EPB41L2: variants seen among roughly 807,000 people sequenced by gnomAD.
The protein encoded by EPB41L2 is band 4.1-like protein 2.
In EPB41L2, 43 loss-of-function variants were observed where a neutral mutation model predicts 113.0. That is an observed-to-expected ratio of 0.38 (90% CI 0.30 to 0.49). EPB41L2 has a LOEUF of 0.49. EPB41L2 is among the 20% of genes least tolerant of loss of function. The probability of loss-of-function intolerance (pLI) is 0.95; values close to 1 mark genes in which losing one functional copy is unlikely to be tolerated. For synonymous variants in EPB41L2, 442 were observed against 436.7 expected (o/e 1.01, Z -0.15); for missense variants, 1,147 against 1,223.4 (o/e 0.94, Z 0.93).
At chr6:131,061,015 G>A (rs1195803732) in intron 1 of EPB41L2, among the ~76,000 whole-genome samples, 4 of 152,118 alleles carry the variant, frequency 2.6e-5, no homozygotes, top group South Asian at 2.1e-4. Context: ...ACCATGCAAC[G>A]TAGATATATG....
chr6:130,878,159 C>T lies in EPB41L2; in HGVS notation c.1988G>A (p.Arg663His), dbSNP rs201590756. The change falls in exon 14 of 20, where the codon CGC (arginine) becomes CAC (histidine). Residue 663 changes from arginine (R) to histidine (H), a missense_variant. Physicochemically the swap from Arg to His is conservative, Grantham distance 29. Coordinates refer to ENST00000337057, the MANE Select transcript of EPB41L2 (RefSeq NM_001431.4). The part of the protein sequence containing the change: ...RNFMESTPEP[R>H]PNEWEKRRIT... ...ACGTCGTTTTTCCCATTCATTAGGG[C>T]GCGGCTCAGGTGTGGATTCCATAAA... The T allele has an allele frequency of 3.3e-5, 54 of 1,613,260 alleles. No individual in the cohort carries two copies. The highest frequency in any genetic ancestry group is 1.6e-4 in the Middle Eastern group (1 of 6,082).
At chr6:130,935,955 A>C (rs995793204) in intron 3 of EPB41L2, among the ~76,000 whole-genome samples, 2 of 152,234 alleles carry the variant, frequency 1.3e-5, no homozygotes, top group Non-Finnish European at 2.9e-5. Context: ...AAAAGCCCCC[A>C]GAGCAATGGA....
At chr6:130,901,517 A>ATCCT (rs1796301745) in intron 6 of EPB41L2, among the ~76,000 whole-genome samples, 1 of 151,642 alleles carries the variant, frequency 6.6e-6, no homozygotes, top group Admixed American at 6.6e-5. Context: ...CCCTCAAAAG[A>ATCCT]TGTAAGGATT....
intron 18 of EPB41L2, 116 bp from the exon 19 acceptor site, chr6:130,858,359 C>A: frequency 2.9e-6 from 2 of 696,182 alleles, no homozygotes; most frequent in Non-Finnish European, 4.8e-6. Context: ...GAGGCACTCA[C>A]TTCTGTATTT....
chr6:130,847,915 T>C (rs1777523689), intron 19 of EPB41L2, among the ~76,000 whole-genome samples: 1 of 152,210 alleles, frequency 6.6e-6, no homozygotes, highest in South Asian at 2.1e-4. Flanking sequence ...CTATTAGAGC[T>C]GAGCTTTTGT....
At chr6:130,910,749 T>G (rs373211491) in intron 4 of EPB41L2, among the ~76,000 whole-genome samples, 2 of 152,228 alleles carry the variant, frequency 1.3e-5, no homozygotes, top group African/African-American at 4.8e-5. Flanking sequence ...AAGACATTTA[T>G]GTGGCCAACA....
intron 1 of EPB41L2, among the ~76,000 whole-genome samples, chr6:130,979,179 C>T (rs1778812986): frequency 6.6e-6 from 1 of 152,090 alleles, no homozygotes; most frequent in African/African-American, 2.4e-5. Flanking sequence ...ATGAGACCAA[C>T]TGACACAATG....
At chr6:130,962,308 G>A (rs932783577) in intron 1 of EPB41L2, among the ~76,000 whole-genome samples, 2 of 151,946 alleles carry the variant, frequency 1.3e-5, no homozygotes, top group East Asian at 1.9e-4. Context: ...GGTGGGAAGG[G>A]GAACAAGGAA....
At chr6:131,032,731 C>T (rs1792445334) in intron 1 of EPB41L2, among the ~76,000 whole-genome samples, 1 of 152,070 alleles carries the variant, frequency 6.6e-6, no homozygotes, top group African/African-American at 2.4e-5. Context: ...CCAGTCCTGC[C>T]AAAATAATAA....
intron 4 of EPB41L2, among the ~76,000 whole-genome samples, chr6:130,922,261 T>C (rs1021440107): frequency 2.0e-4 from 30 of 152,182 alleles, no homozygotes; most frequent in African/African-American, 6.8e-4. Context: ...GACAATATAA[T>C]AGAAATGACA....
intron 1 of EPB41L2, among the ~76,000 whole-genome samples, chr6:131,033,128 C>T (rs543317931): frequency 6.6e-5 from 10 of 152,222 alleles, no homozygotes. Context: ...TCTGCCTCGG[C>T]CTCCCAAAGT....
At chr6:131,061,294 A>G (rs1798605788) in intron 1 of EPB41L2, among the ~76,000 whole-genome samples, 1 of 152,252 alleles carries the variant, frequency 6.6e-6, no homozygotes, top group Non-Finnish European at 1.5e-5. Context: ...AAGACAGGAT[A>G]GGATTAAATT....
chr6:130,977,346 A>G (rs1778411921), intron 1 of EPB41L2, among the ~76,000 whole-genome samples: 1 of 114,574 alleles, frequency 8.7e-6, no homozygotes, highest in African/African-American at 4.0e-5. Context: ...AAGGCCCAGC[A>G]GTTAGATTAT....
intron 18 of EPB41L2, among the ~76,000 whole-genome samples, chr6:130,861,265 G>C (rs1781934839): frequency 6.6e-6 from 1 of 151,674 alleles, no homozygotes; most frequent in Admixed American, 6.6e-5. Context: ...GTAGAGACAG[G>C]GTTTCGCTGT....
chr6:130,867,319 G>T, intron 16 of EPB41L2, 140 bp downstream of exon 16: 2 of 1,087,516 alleles, frequency 1.8e-6, no homozygotes, highest in Non-Finnish European at 2.6e-6. Context: ...AAATTATGTT[G>T]TTGAAGTACA....
intron 3 of EPB41L2, among the ~76,000 whole-genome samples, chr6:130,945,270 A>T (rs969555254): frequency 1.3e-5 from 2 of 152,194 alleles, no homozygotes; most frequent in African/African-American, 2.4e-5. Flanking sequence ...AACAATAAAC[A>T]AACAAGCAAA....
intron 1 of EPB41L2, among the ~76,000 whole-genome samples, chr6:131,051,101 T>A (rs1796422459): frequency 6.6e-6 from 1 of 152,054 alleles, no homozygotes; most frequent in Admixed American, 6.5e-5. Context: ...GAAAAAAATA[T>A]AATACATTTA....
At chr6:130,903,639 T>C (rs1387382126) in intron 6 of EPB41L2, among the ~76,000 whole-genome samples, 1 of 151,508 alleles carries the variant, frequency 6.6e-6, no homozygotes, top group African/African-American at 2.4e-5. Flanking sequence ...ACCATGTAAG[T>C]AACCTTTTAA....
At chr6:130,885,779 A>T in intron 11 of EPB41L2, among the ~76,000 whole-genome samples, 1 of 152,236 alleles carries the variant, frequency 6.6e-6, no homozygotes, top group Non-Finnish European at 1.5e-5. Context: ...AAAGACAGTA[A>T]AGGTAAATTT....
Sources: allele counts gnomAD v4.1 joint callset (sites outside exome capture counted in the v4.1 genomes callset), GRCh38; gene constraint gnomAD v4.1.1; transcripts MANE v1.5; gene names NCBI Gene and HGNC (gene_info 2026-07-23, HGNC 2026-07-21).